Variants in WWTR1 observed in about 807,000 individuals in gnomAD.
The protein encoded by WWTR1 is WW domain containing transcription regulator 1, also known as WW domain-containing transcription regulator protein 1.
In WWTR1, 13 loss-of-function variants were observed where a neutral mutation model predicts 40.1. That is an observed-to-expected ratio of 0.32 (90% confidence interval 0.21 to 0.52). The LOEUF is 0.52. WWTR1 is among the 20% of genes least tolerant of loss of function. The pLI is 0.97. For synonymous variants in WWTR1, 230 were observed against 210.1 expected (o/e 1.09, Z -0.82); for missense variants, 436 against 523.1 (o/e 0.83, Z 1.63).
intron 2 of WWTR1, among the ~76,000 whole-genome samples, chr3:149,579,107 A>C (rs1285666165): frequency 4.6e-5 from 7 of 152,206 alleles, no homozygotes; most frequent in Non-Finnish European, 1.0e-4. Context: ...AGAATTTAAA[A>C]CTATTAGCAG....
intron 1 of WWTR1, among the ~76,000 whole-genome samples, chr3:149,696,112 C>CAAAAAAAAA (rs368629673): frequency 1.3e-5 from 1 of 77,128 alleles, no homozygotes; most frequent in South Asian, 5.6e-4. Context: ...GACTCTGTCT[C>CAAAAAAAAA]AAAAAAAAAA....
chr3:149,638,414 C>G (rs1711957421), intron 2 of WWTR1, among the ~76,000 whole-genome samples: 1 of 152,026 alleles, frequency 6.6e-6, no homozygotes, highest in African/African-American at 2.4e-5. Flanking sequence ...GATACAAGCC[C>G]CAAGTACAGT....
At chr3:149,694,740 A>T (rs1226544506) in intron 1 of WWTR1, among the ~76,000 whole-genome samples, 1 of 152,260 alleles carries the variant, frequency 6.6e-6, no homozygotes, top group African/African-American at 2.4e-5. Context: ...TACAGCAATT[A>T]TGCAGAACAG....
At position 149,573,267 on chromosome 3, in the gene WWTR1, A is replaced by T. The variant is rs140903203; in HGVS notation, c.432-267T>A. Among the ~76,000 whole-genome samples, 762 of 152,258 alleles carry T rather than the reference A, an allele frequency of 5.0e-3. 3 individuals are homozygous for T. Among genetic ancestry groups the T allele is most frequent in the Non-Finnish European group, 7.8e-3 (530 of 68,006 alleles). On this transcript the variant is annotated intron_variant, in intron 2 of 6. Transcript: ENST00000360632. ...ACAGCCCTTGCATGCAGTGAGCCCC[A>T]GTGAACTTCCCCTCGGCCCGTGGAG...
At chr3:149,651,922 G>A (rs866404281) in intron 2 of WWTR1, among the ~76,000 whole-genome samples, 2 of 145,880 alleles carry the variant, frequency 1.4e-5, no homozygotes, top group Middle Eastern at 3.8e-3. Context: ...CTCCGCCTCC[G>A]GGGTTCACAC....
intron 3 of WWTR1, among the ~76,000 whole-genome samples, chr3:149,546,399 G>C (rs1255776177): frequency 6.6e-6 from 1 of 152,202 alleles, no homozygotes; most frequent in Non-Finnish European, 1.5e-5. Flanking sequence ...GAGAAATTCT[G>C]TATGATGATT....
chr3:149,681,120 T>C (rs1714447777), intron 1 of WWTR1, among the ~76,000 whole-genome samples: 1 of 152,240 alleles, frequency 6.6e-6, no homozygotes, highest in Non-Finnish European at 1.5e-5. Flanking sequence ...CCAAAGAGAC[T>C]GAATGTGTGG....
rs148473678 is a variant in WWTR1 at position 149,548,329 on chromosome 3, A to G, written c.569-5792T>C. On this transcript the variant is annotated intron_variant, in intron 3 of 6. Transcript: ENST00000360632. ...GTGCTTTTGGCAGCTTCCCTAAGCC[A>G]GGAGCTGCAGACGATGAGGGAGGCC... is the stretch of plus-strand genomic sequence containing the variant. Among the ~76,000 whole-genome samples, 7 of 152,362 alleles carry G rather than the reference A, an allele frequency of 4.6e-5. No homozygotes were observed. The East Asian group carries it at 1.3e-3, about 29-fold the overall frequency.
intron 2 of WWTR1, among the ~76,000 whole-genome samples, chr3:149,619,153 T>C (rs778056279): frequency 1.3e-5 from 2 of 152,168 alleles, no homozygotes; most frequent in Non-Finnish European, 2.9e-5. Context: ...GGTTGTACCA[T>C]TTAGCTGATA....
At chr3:149,668,953 C>T (rs1291067768) in intron 2 of WWTR1, among the ~76,000 whole-genome samples, 1 of 152,184 alleles carries the variant, frequency 6.6e-6, no homozygotes, top group Non-Finnish European at 1.5e-5. Flanking sequence ...TGAATCCTCC[C>T]TTTGACTTTC....
chr3:149,546,002 T>G (rs972192580), intron 3 of WWTR1, among the ~76,000 whole-genome samples: 1 of 152,196 alleles, frequency 6.6e-6, no homozygotes, highest in East Asian at 1.9e-4. Context: ...GAAAGCCACA[T>G]AGCAACCAGA....
rs1248435284 is a variant in WWTR1 at position 149,550,739 on chromosome 3, AGGAAAAGCAAGG to A, written c.569-8214_569-8203del. Among the ~76,000 whole-genome samples the A allele has an allele frequency of 1.1e-3, 165 of 145,588 alleles. 7 individuals are homozygous for A. The highest frequency in any genetic ancestry group is 3.7e-3 in the Middle Eastern group (1 of 270). On this transcript the variant is annotated intron_variant, in intron 3 of 6. Coordinates refer to ENST00000360632, the MANE Select transcript of WWTR1 (RefSeq NM_015472.6). Reference sequence around the variant, plus strand: ...AGAAAAACAAAGCAAAACAAAATACAGGAAAAGCAAGGGTTATAAAAGACTGCTTGAATATCT... The same window carrying A: ...AGAAAAACAAAGCAAAACAAAATACAGTTATAAAAGACTGCTTGAATATCT...
At chr3:149,621,849 T>C (rs149496714) in intron 2 of WWTR1, among the ~76,000 whole-genome samples, 168 of 152,348 alleles carry the variant, frequency 1.1e-3, no homozygotes, top group African/African-American at 3.8e-3. Flanking sequence ...CAACATGTTG[T>C]TGGCACAATT....
Position 149,676,799 on chromosome 3 carries a change from A to G in WWTR1, c.-107-6908T>C, listed in dbSNP as rs550206074. Among the ~76,000 whole-genome samples, 4 of 152,198 alleles carry G rather than the reference A, an allele frequency of 2.6e-5. No homozygotes were observed. The South Asian group carries it at 6.2e-4, about 24-fold the overall frequency. On this transcript the variant is annotated intron_variant, in intron 1 of 7. Transcript: ENST00000465804. ...GAAAGCAATGGGATTGGCAGTGTGC[A>G]TGCTTTTCAATAGTGAAAGTCAGCA...
At chr3:149,711,053 G>A (rs755082678) in intron 5 of WWTR1, among the ~76,000 whole-genome samples, 57 of 151,722 alleles carry the variant, frequency 3.8e-4, no homozygotes, top group Non-Finnish European at 7.8e-4. Context: ...GAAGCTTTCA[G>A]TGATAAACTC....
At chr3:149,601,885 C>A (rs926734639) in intron 2 of WWTR1, among the ~76,000 whole-genome samples, 3 of 152,156 alleles carry the variant, frequency 2.0e-5, no homozygotes, top group Admixed American at 2.0e-4. Context: ...GAGGGAGTGG[C>A]TGCCTCAGAA....
intron 2 of WWTR1, among the ~76,000 whole-genome samples, chr3:149,628,598 G>A (rs1226080126): frequency 1.3e-5 from 2 of 152,154 alleles, no homozygotes; most frequent in Admixed American, 6.5e-5. Context: ...CCGCAGGATA[G>A]ACTAGGTGAG....
chr3:149,702,593 G>C (rs1715216604), intron 1 of WWTR1: 1 of 151,932 alleles, frequency 6.6e-6, no homozygotes, highest in African/African-American at 2.4e-5. Flanking sequence ...TAAGCACTAA[G>C]AAATAACAAC....
chr3:149,622,531 A>AAGAAAGAAAGAAAGAC (rs1740354284), intron 2 of WWTR1, among the ~76,000 whole-genome samples: 1 of 150,546 alleles, frequency 6.6e-6, no homozygotes, highest in Admixed American at 6.6e-5. Context: ...GAAAGAAAGA[A>AAGAAAGAAAGAAAGAC]AGAAAGAAAG....
Sources: gnomAD v4.1 joint callset for allele counts (sites outside exome capture counted in the v4.1 genomes callset) on GRCh38, gnomAD v4.1.1 for gene constraint, MANE v1.5 for transcripts, NCBI Gene and HGNC (gene_info 2026-07-23, HGNC 2026-07-21) for gene names.